MYO1D: variants seen among roughly 807,000 people sequenced by gnomAD.
MYO1D encodes the protein myosin ID, also known as unconventional myosin-Id.
Under a neutral mutation model 122.0 loss-of-function variants are expected in MYO1D, and 83 were observed. The observed-to-expected ratio is 0.68, with a 90% CI of 0.57 to 0.82. MYO1D has a LOEUF of 0.82. Among genes scored for constraint, MYO1D ranks in the 40% least tolerant of loss-of-function variants. The pLI, the probability that MYO1D is intolerant of heterozygous loss-of-function variation, is 0.00. For missense variants in MYO1D, 1,157 were observed against 1,269.5 expected (o/e 0.91, Z 1.35); for synonymous variants, 464 against 446.9 (o/e 1.04, Z -0.48).
intron 21 of MYO1D, among the ~76,000 whole-genome samples, chr17:32,559,983 G>A (rs751494473): frequency 1.3e-4 from 20 of 152,148 alleles, no homozygotes; most frequent in East Asian, 5.8e-4. Flanking sequence ...TGTGCCAGGT[G>A]TGGTGGCTCA....
At chr17:32,640,790 A>T (rs902371927) in intron 19 of MYO1D, among the ~76,000 whole-genome samples, 9 of 151,842 alleles carry the variant, frequency 5.9e-5, no homozygotes, top group African/African-American at 1.9e-4. Context: ...GTTCAGTTCT[A>T]GCCTTATGTG....
chr17:32,583,954 C>T (rs1331072637), intron 21 of MYO1D, among the ~76,000 whole-genome samples: 2 of 152,034 alleles, frequency 1.3e-5, no homozygotes, highest in African/African-American at 4.8e-5. Context: ...TGTTAAAACA[C>T]AGTTGTAATA....
intron 14 of MYO1D, among the ~76,000 whole-genome samples, chr17:32,735,081 A>AACGAAC (rs1555535372): frequency 2.2e-5 from 3 of 138,032 alleles, no homozygotes; most frequent in African/African-American, 8.3e-5. Context: ...ATTCCATCTG[A>AACGAAC]ACACACACAC....
chr17:32,658,723 T>C (rs2088511485), intron 17 of MYO1D: 1 of 191,988 alleles, frequency 5.2e-6, no homozygotes, highest in Admixed American at 5.6e-5. Context: ...CCTAAACTCC[T>C]TGTTATTCTA....
Position 32,748,909 on chromosome 17 carries a change from TGGTA to T in MYO1D, c.1538+23_1538+26del. The T allele has an allele frequency of 4.4e-6, 7 of 1,586,322 alleles. No individual in the cohort carries two copies. The South Asian group carries it at 7.9e-5, about 18-fold the overall frequency. ...CTAAAGTGAGGCGGCATGCAAATCA[TGGTA>T]GGTACCAAGGTAAGATACTCACACT... is the stretch of plus-strand genomic sequence containing the variant. On this transcript the variant is annotated intron_variant, in intron 12 of 21. Transcript: ENST00000318217.
chr17:32,861,456 ATC>A (rs936714685), intron 1 of MYO1D, among the ~76,000 whole-genome samples: 80 of 152,224 alleles, frequency 5.3e-4, no homozygotes, highest in African/African-American at 1.7e-3. Context: ...ACATTCAGCC[ATC>A]TCCCAGACCA....
chr17:32,515,018 T>C (rs1007639182), intron 21 of MYO1D, among the ~76,000 whole-genome samples: 1 of 152,240 alleles, frequency 6.6e-6, no homozygotes, highest in Non-Finnish European at 1.5e-5. Context: ...TTCTTTTTTC[T>C]AGAGAGTTAA....
At chr17:32,550,373 T>C (rs1677758125) in intron 21 of MYO1D, among the ~76,000 whole-genome samples, 1 of 152,246 alleles carries the variant, frequency 6.6e-6, no homozygotes, top group African/African-American at 2.4e-5. Flanking sequence ...GTGCCGGGAT[T>C]ACTGCGCCCA....
chr17:32,687,486 C>T (rs998755726), intron 16 of MYO1D, among the ~76,000 whole-genome samples: 11 of 151,866 alleles, frequency 7.2e-5, no homozygotes, highest in East Asian at 1.9e-4. Context: ...TGTGAGCCAC[C>T]GTGCCTGGCC....
At chr17:32,722,947 C>T (rs563610462) in intron 14 of MYO1D, among the ~76,000 whole-genome samples, 45 of 152,174 alleles carry the variant, frequency 3.0e-4, no homozygotes, top group South Asian at 1.0e-3. Context: ...GCTGCCTGAC[C>T]TCTGGGCAGG....
Position 32,809,893 on chromosome 17 carries a change from C to T in MYO1D, c.96-29109G>A, listed in dbSNP as rs116000087. Among the ~76,000 whole-genome samples, 306 of 152,288 alleles carry T rather than the reference C, an allele frequency of 2.0e-3. 3 individuals carry two copies. Among genetic ancestry groups the T allele is most frequent in the African/African-American group, 7.1e-3 (297 of 41,564 alleles). ...GAGCTAATAATCTATACAGTATTTG[C>T]AGTACAAATTCACAATGATCAATGA... On this transcript the variant is annotated intron_variant, in intron 1 of 21. Transcript: ENST00000318217.
chr17:32,723,800 C>T (rs150550712), intron 14 of MYO1D, among the ~76,000 whole-genome samples: 3 of 152,152 alleles, frequency 2.0e-5, no homozygotes, highest in African/African-American at 7.2e-5. Context: ...GCAGAACTGC[C>T]CAGTCAACCC....
At chr17:32,696,475 C>T (rs2089175796) in intron 16 of MYO1D, among the ~76,000 whole-genome samples, 1 of 152,138 alleles carries the variant, frequency 6.6e-6, no homozygotes, top group Non-Finnish European at 1.5e-5. Context: ...CTGCCAAGCT[C>T]AACTAGTAGT....
rs764598903 is a variant in MYO1D at position 32,721,212 on chromosome 17, G to C, written c.1747-23C>G. The C allele has an allele frequency of 4.4e-6, 7 of 1,607,428 alleles. No individual in the cohort carries two copies. In the South Asian group the frequency reaches 7.7e-5, roughly 18 times the overall value. Reference sequence around the variant, plus strand: ...TTCCTAAAGAAATAAATCAGCAAATGGTAAGTTTCACTGGAGAAAATTTCC... The same window carrying C: ...TTCCTAAAGAAATAAATCAGCAAATCGTAAGTTTCACTGGAGAAAATTTCC... On this transcript the variant is annotated intron_variant, in intron 14 of 21. Transcript: ENST00000318217.
chr17:32,704,074 G>A (rs989000252), intron 16 of MYO1D, among the ~76,000 whole-genome samples: 1 of 152,156 alleles, frequency 6.6e-6, no homozygotes, highest in African/African-American at 2.4e-5. Context: ...ATAGTTTACT[G>A]ATTTCTTAGC....
At chr17:32,664,412 C>G (rs1481442178) in intron 16 of MYO1D, among the ~76,000 whole-genome samples, 1 of 152,122 alleles carries the variant, frequency 6.6e-6, no homozygotes, top group Non-Finnish European at 1.5e-5. Context: ...GATGACAAAG[C>G]CTCAGAAAGC....
At chr17:32,627,353 C>G (rs568416835) in intron 20 of MYO1D, among the ~76,000 whole-genome samples, 5 of 152,266 alleles carry the variant, frequency 3.3e-5, no homozygotes, top group Middle Eastern at 3.4e-3. Context: ...ATGGAAACCC[C>G]TTCCTTTGGG....
At chr17:32,651,593 C>T (rs2088389716) in intron 19 of MYO1D, among the ~76,000 whole-genome samples, 1 of 151,868 alleles carries the variant, frequency 6.6e-6, no homozygotes, top group Admixed American at 6.6e-5. Context: ...CATTGTCTTT[C>T]CTTGCTTGAT....
At chr17:32,812,458 A>G (rs1423639039) in intron 1 of MYO1D, among the ~76,000 whole-genome samples, 6 of 152,252 alleles carry the variant, frequency 3.9e-5, no homozygotes, top group African/African-American at 1.4e-4. Flanking sequence ...AAAGGTTACA[A>G]AGGTCAGGGG....
Sources: gnomAD v4.1 joint callset for allele counts (sites outside exome capture counted in the v4.1 genomes callset) on GRCh38, gnomAD v4.1.1 for gene constraint, MANE v1.5 for transcripts, NCBI Gene and HGNC (gene_info 2026-07-23, HGNC 2026-07-21) for gene names.